TAB1: variants seen among roughly 807,000 people sequenced by gnomAD.
TAB1 encodes TGF-beta-activated kinase 1 and MAP3K7-binding protein 1.
A neutral mutation model predicts 54.5 loss-of-function variants in TAB1; 30 were observed. That is an observed-to-expected ratio of 0.55 (90% CI 0.41 to 0.75). The LOEUF (loss-of-function observed/expected upper bound fraction) is 0.75, where lower values mean the gene tolerates loss of function less well. Among genes scored for constraint, TAB1 ranks in the 30% least tolerant of loss-of-function variants. The pLI, the probability that TAB1 is intolerant of heterozygous loss-of-function variation, is 0.00. For synonymous variants in TAB1, 289 were observed against 286.9 expected (o/e 1.01, Z -0.07); for missense variants, 609 against 683.2 (o/e 0.89, Z 1.21).
intron 10 of TAB1, among the ~76,000 whole-genome samples, chr22:39,428,845 G>C (rs1223736610): frequency 6.6e-6 from 1 of 152,248 alleles, no homozygotes; most frequent in African/African-American, 2.4e-5. Context: ...CCTGGAGGGG[G>C]GTGGGCGGCC....
intron 1 of TAB1, among the ~76,000 whole-genome samples, chr22:39,403,832 G>A (rs1311934290): frequency 1.3e-5 from 2 of 151,726 alleles, no homozygotes; most frequent in African/African-American, 2.4e-5. Flanking sequence ...TTTTAGTAGA[G>A]ACGGGGTTTC....
At chr22:39,428,382 T>C (rs1927440297) in intron 10 of TAB1, among the ~76,000 whole-genome samples, 199 bp downstream of exon 10, 1 of 152,236 alleles carries the variant, frequency 6.6e-6, no homozygotes, top group Non-Finnish European at 1.5e-5. Flanking sequence ...TGGCTGATGG[T>C]CCCAGCCTAC....
At chr22:39,417,946 G>T in intron 5 of TAB1, 97 bp downstream of exon 5, 2 of 1,464,376 alleles carry the variant, frequency 1.4e-6, no homozygotes, top group Middle Eastern at 2.5e-4. Flanking sequence ...GACACTTCAC[G>T]CACTTTAAAC....
rs374576424 is a variant in TAB1 at position 39,399,802 on chromosome 22, G to A, written c.-1G>A. On this transcript the variant is annotated 5_prime_UTR_variant, in exon 1 of 11. Transcript: ENST00000216160. The stretch of plus-strand genomic sequence containing the variant: ...GGCGCTCCCGCAGGGGTTCCTCCAA[G>A]ATGGCGGCGCAGAGGAGGAGCTTGC... The A allele has an allele frequency of 6.3e-6, 10 of 1,594,364 alleles. No homozygotes were observed. The highest frequency in any genetic ancestry group is 1.1e-5 in the South Asian group (1 of 87,840).
chr22:39,404,834 A>G (rs1926294129), intron 1 of TAB1, among the ~76,000 whole-genome samples: 1 of 152,190 alleles, frequency 6.6e-6, no homozygotes. Context: ...GGATGACGAC[A>G]TGGAGAACCT....
chr22:39,433,609 C>G (rs916893939), downstream of TAB1: 5 of 985,298 alleles, frequency 5.1e-6, no homozygotes, highest in Non-Finnish European at 4.8e-6. Context: ...GGAGTTGTAC[C>G]GTCCTGGTCT....
At chr22:39,412,683 A>G (rs1393300327) in intron 1 of TAB1, among the ~76,000 whole-genome samples, 1 of 152,170 alleles carries the variant, frequency 6.6e-6, no homozygotes, top group Non-Finnish European at 1.5e-5. Context: ...AGAAGCTACA[A>G]TTTGCCACAA....
Position 39,430,205 on chromosome 22 carries a change from G to A in TAB1, c.1498G>A (p.Val500Met), listed in dbSNP as rs202204943. Residue 500 changes from valine (V) to methionine (M), a missense_variant, in exon 11 of 11, where the codon GTG (valine) becomes ATG (methionine). Physicochemically the swap from Val to Met is conservative, Grantham distance 21. Transcript: ENST00000216160. ...LWSVDHGEQS[V>M]VTAP Reference sequence around the variant, plus strand: ...GAGCGTGGACCATGGCGAGCAGAGCGTGGTGACAGCACCGTAGGGCAGCCG... The same window carrying A: ...GAGCGTGGACCATGGCGAGCAGAGCATGGTGACAGCACCGTAGGGCAGCCG... 5.5e-5 allele frequency: 89 copies of A among 1,612,870 alleles called. No homozygotes were observed. Among genetic ancestry groups the A allele is most frequent in the East Asian group, 2.5e-4 (11 of 44,888 alleles).
chr22:39,414,551 G>T (rs1770804216), intron 1 of TAB1, among the ~76,000 whole-genome samples: 1 of 152,232 alleles, frequency 6.6e-6, no homozygotes, highest in Admixed American at 6.5e-5. Flanking sequence ...CACTGCAGAT[G>T]TCCCGGGCCC....
downstream of TAB1, chr22:39,432,031 T>G: frequency 3.3e-6 from 1 of 299,756 alleles, no homozygotes; most frequent in Non-Finnish European, 4.9e-6. Context: ...CTGGCTGCAT[T>G]CCATGCTGCC....
chr22:39,423,512 G>A (rs1221118700), intron 8 of TAB1, among the ~76,000 whole-genome samples: 2 of 152,146 alleles, frequency 1.3e-5, no homozygotes, highest in African/African-American at 4.8e-5. Flanking sequence ...GGCTGAGGCA[G>A]GAGAATCGCT....
intron 9 of TAB1, 128 bp downstream of exon 9, chr22:39,427,053 C>A: frequency 1.1e-6 from 1 of 915,738 alleles, no homozygotes; most frequent in Non-Finnish European, 1.6e-6. Context: ...GGCTCTAATT[C>A]AGGTTCTCTG....
chr22:39,408,120 T>C (rs1327831115), intron 1 of TAB1, among the ~76,000 whole-genome samples: 2 of 152,244 alleles, frequency 1.3e-5, no homozygotes, highest in East Asian at 3.8e-4. Flanking sequence ...TTTGCCAGTT[T>C]ATAAAATAAT....
At chr22:39,406,644 T>C (rs1428077126) in intron 1 of TAB1, among the ~76,000 whole-genome samples, 1 of 151,946 alleles carries the variant, frequency 6.6e-6, no homozygotes. Flanking sequence ...ATTTATTTTT[T>C]ATTTTTGAGA....
At chr22:39,408,597 G>A (rs183234744) in intron 1 of TAB1, among the ~76,000 whole-genome samples, 1 of 152,280 alleles carries the variant, frequency 6.6e-6, no homozygotes, top group African/African-American at 2.4e-5. Context: ...CCACCTCCTG[G>A]GTTCAAGCAA....
chr22:39,416,262 CAG>C (rs1035664396), intron 3 of TAB1, among the ~76,000 whole-genome samples: 10 of 152,222 alleles, frequency 6.6e-5, no homozygotes, highest in East Asian at 1.9e-4. Flanking sequence ...AGATCTCACA[CAG>C]GGGGAGAAGG....
chr22:39,407,669 T>G lies in TAB1; in HGVS notation c.34-7337T>G, dbSNP rs1926425929. 2.0e-5 allele frequency among the ~76,000 whole-genome samples: 3 copies of G among 152,164 alleles called. No homozygotes were observed. In the South Asian group the frequency reaches 6.2e-4, roughly 32 times the overall value. On this transcript the variant is annotated intron_variant, in intron 1 of 10. Coordinates refer to ENST00000216160, the MANE Select transcript of TAB1 (RefSeq NM_006116.3). ...CCCGGCTAATTTTTTGTATTTTTAGTAGAGACGGGGTTTTGCTGTGTTAGC... is the reference window on the plus strand; with the variant it reads ...CCCGGCTAATTTTTTGTATTTTTAGGAGAGACGGGGTTTTGCTGTGTTAGC...
chr22:39,432,678 C>T, downstream of TAB1: 1 of 883,060 alleles, frequency 1.1e-6, no homozygotes, highest in Non-Finnish European at 1.4e-6. Flanking sequence ...GTAACTGAGG[C>T]ACAGACAGGT....
At chr22:39,403,772 G>A (rs1926247008) in intron 1 of TAB1, among the ~76,000 whole-genome samples, 1 of 151,554 alleles carries the variant, frequency 6.6e-6, no homozygotes, top group Non-Finnish European at 1.5e-5. Flanking sequence ...CCAAGTAGCT[G>A]GGACTACAGG....
Sources: allele counts gnomAD v4.1 joint callset (sites outside exome capture counted in the v4.1 genomes callset), GRCh38; gene constraint gnomAD v4.1.1; transcripts MANE v1.5; gene names NCBI Gene and HGNC (gene_info 2026-07-23, HGNC 2026-07-21).